Variants in KCNIP1 observed in about 807,000 individuals in gnomAD.
The protein encoded by KCNIP1 is potassium voltage-gated channel interacting protein 1.
KCNIP1 carries 18 observed loss-of-function variants against 33.0 expected under a neutral mutation model. The ratio of observed to expected loss-of-function variants is 0.55; its 90% CI spans 0.38 to 0.81. The LOEUF (loss-of-function observed/expected upper bound fraction) is 0.81, where lower values mean the gene tolerates loss of function less well. Among genes scored for constraint, KCNIP1 ranks in the 30% least tolerant of loss-of-function variants. The probability of loss-of-function intolerance (pLI) is 0.00; values close to 1 mark genes in which losing one functional copy is unlikely to be tolerated. For synonymous variants in KCNIP1, 93 were observed against 98.3 expected, an observed-to-expected ratio of 0.95 and a Z score of 0.32; for missense variants, 238 against 271.6, an observed-to-expected ratio of 0.88 and a Z score of 0.87.
At chr5:170,385,481 CAGAA>C in intron 1 of KCNIP1, 2 of 1,613,460 alleles carry the variant, frequency 1.2e-6, no homozygotes, top group Non-Finnish European at 1.7e-6. Flanking sequence ...TCTAGGTCCA[CAGAA>C]GCAAACAGAA....
chr5:170,729,490 A>G (rs990688312), intron 5 of KCNIP1, among the ~76,000 whole-genome samples: 1 of 152,092 alleles, frequency 6.6e-6, no homozygotes, highest in African/African-American at 2.4e-5. Context: ...ATAAATTAAA[A>G]ATCTATTAAG....
chr5:170,521,650 G>A (rs890039795), intron 1 of KCNIP1, among the ~76,000 whole-genome samples: 1 of 152,118 alleles, frequency 6.6e-6, no homozygotes, highest in Non-Finnish European at 1.5e-5. Context: ...ATGCACCATC[G>A]GCCACCTTTA....
intron 1 of KCNIP1, among the ~76,000 whole-genome samples, chr5:170,390,596 G>A (rs933613812): frequency 5.0e-4 from 74 of 149,348 alleles, no homozygotes; most frequent in African/African-American, 1.6e-3. Flanking sequence ...AGTATCAGGC[G>A]TGGTGGTAGA....
In KCNIP1 at chr5:170,724,380, C is replaced by T. The variant is rs536594481; in HGVS notation, c.435+1560C>T. Among the ~76,000 whole-genome samples, 3 of 152,212 alleles carry T rather than the reference C, an allele frequency of 2.0e-5. No individual in the cohort carries two copies. In the South Asian group the frequency reaches 6.2e-4, roughly 32 times the overall value. The stretch of plus-strand genomic sequence containing the variant: ...GTGAGCACAGATAAAAAAGCTTTCA[C>T]TAAATATTAGCAAATTGAATTCAGC... On this transcript the variant is annotated intron_variant, in intron 5 of 7. Transcript: ENST00000328939.
At chr5:170,579,597 G>A (rs566341093) in intron 1 of KCNIP1, among the ~76,000 whole-genome samples, 118 of 152,326 alleles carry the variant, frequency 7.7e-4, no homozygotes, top group African/African-American at 2.8e-3. Context: ...AAAGCCATGA[G>A]TTAATGCATC....
intron 1 of KCNIP1, among the ~76,000 whole-genome samples, chr5:170,528,701 AT>A (rs1475406628): frequency 1.3e-5 from 2 of 152,200 alleles, no homozygotes; most frequent in East Asian, 1.9e-4. Context: ...TCTGTGGCCT[AT>A]TCTGGGACCT....
At chr5:170,430,001 G>C (rs1294625461) in intron 1 of KCNIP1, among the ~76,000 whole-genome samples, 2 of 152,224 alleles carry the variant, frequency 1.3e-5, no homozygotes, top group South Asian at 4.2e-4. Flanking sequence ...TTAGACCACA[G>C]ACCAAAGACT....
chr5:170,551,749 G>T (rs1052750751), intron 1 of KCNIP1, among the ~76,000 whole-genome samples: 2 of 151,772 alleles, frequency 1.3e-5, no homozygotes, highest in Non-Finnish European at 2.9e-5. Flanking sequence ...GTGTATATGC[G>T]TGTGTGTGTA....
chr5:170,693,196 G>A (rs781777919), intron 1 of KCNIP1, among the ~76,000 whole-genome samples: 15 of 152,024 alleles, frequency 9.9e-5, no homozygotes, highest in South Asian at 4.2e-4. Flanking sequence ...ACCCCCTCCC[G>A]CTGGTCAGTG....
At chr5:170,606,955 CT>C (rs1171585949) in intron 1 of KCNIP1, among the ~76,000 whole-genome samples, 1 of 152,074 alleles carries the variant, frequency 6.6e-6, no homozygotes, top group Non-Finnish European at 1.5e-5. Context: ...CAACCACAGG[CT>C]TCTGTCCCCT....
chr5:170,459,657 C>A (rs531068273), intron 1 of KCNIP1, among the ~76,000 whole-genome samples: 1 of 152,144 alleles, frequency 6.6e-6, no homozygotes, highest in African/African-American at 2.4e-5. Flanking sequence ...AGTACTGACA[C>A]AACCTATCAA....
At chr5:170,648,902 G>A (rs951797522) in intron 1 of KCNIP1, among the ~76,000 whole-genome samples, 3 of 152,142 alleles carry the variant, frequency 2.0e-5, no homozygotes, top group Non-Finnish European at 4.4e-5. Flanking sequence ...TAATTTTGCA[G>A]TGAGCCTAAA....
At chr5:170,435,100 T>C (rs1319343784) in intron 1 of KCNIP1, among the ~76,000 whole-genome samples, 1 of 152,214 alleles carries the variant, frequency 6.6e-6, no homozygotes, top group Non-Finnish European at 1.5e-5. Flanking sequence ...AATTTCCTCC[T>C]GGTAGCCTGG....
At chr5:170,676,774 T>C (rs1762160855) in intron 1 of KCNIP1, among the ~76,000 whole-genome samples, 1 of 152,176 alleles carries the variant, frequency 6.6e-6, no homozygotes. Context: ...ACGGGGCCTC[T>C]CCATTTACTT....
intron 7 of KCNIP1, among the ~76,000 whole-genome samples, chr5:170,734,766 A>G (rs1764323058): frequency 6.6e-6 from 1 of 152,268 alleles, no homozygotes; most frequent in South Asian, 2.1e-4. Flanking sequence ...AAGCACATAC[A>G]TAAACATCAC....
chr5:170,594,079 T>C (rs959487291), intron 1 of KCNIP1, among the ~76,000 whole-genome samples: 1 of 152,242 alleles, frequency 6.6e-6, no homozygotes, highest in Non-Finnish European at 1.5e-5. Context: ...TCCCATGTTA[T>C]GGGACTCAAG....
intron 1 of KCNIP1, among the ~76,000 whole-genome samples, chr5:170,382,286 C>G (rs1402306184): frequency 1.3e-5 from 2 of 152,232 alleles, no homozygotes; most frequent in African/African-American, 4.8e-5. Flanking sequence ...GAATGGATCT[C>G]TGACCAGAGA....
At chr5:170,445,804 A>G (rs1245753512) in intron 1 of KCNIP1, among the ~76,000 whole-genome samples, 1 of 152,364 alleles carries the variant, frequency 6.6e-6, no homozygotes. Flanking sequence ...AAGCCAGGCC[A>G]TACTACCGAG....
intron 1 of KCNIP1, among the ~76,000 whole-genome samples, chr5:170,568,817 C>T (rs536286590): frequency 6.6e-6 from 1 of 152,038 alleles, no homozygotes; most frequent in Non-Finnish European, 1.5e-5. Context: ...AATGCGACTC[C>T]ATCTCAAAAA....
Sources: gnomAD v4.1 joint callset for allele counts (sites outside exome capture counted in the v4.1 genomes callset) on GRCh38, gnomAD v4.1.1 for gene constraint, MANE v1.5 for transcripts, NCBI Gene and HGNC (gene_info 2026-07-23, HGNC 2026-07-21) for gene names.